The following THEMIS variants were observed in gnomAD, a reference collection of about 807,000 sequenced individuals.
THEMIS encodes thymocyte selection associated, also known as protein THEMIS.
THEMIS carries 37 observed loss-of-function variants against 52.6 expected under a neutral mutation model. The ratio of observed to expected loss-of-function variants is 0.70; its 90% CI spans 0.54 to 0.93. THEMIS has a LOEUF of 0.93. THEMIS is among the 40% of genes least tolerant of loss of function. The pLI is 0.00. For missense variants in THEMIS, 808 were observed against 763.1 expected (o/e 1.06, Z -0.69); for synonymous variants, 292 against 272.7 (o/e 1.07, Z -0.70).
chr6:127,864,895 T>C (rs1405569071), intron 1 of THEMIS, among the ~76,000 whole-genome samples: 1 of 152,138 alleles, frequency 6.6e-6, no homozygotes, highest in Non-Finnish European at 1.5e-5. Context: ...CAGATTAAAA[T>C]GAGCCAGTGA....
At chr6:127,848,698 T>A (rs888127085) in intron 2 of THEMIS, among the ~76,000 whole-genome samples, 2 of 152,214 alleles carry the variant, frequency 1.3e-5, no homozygotes, top group African/African-American at 4.8e-5. Context: ...TTTTTTCACA[T>A]GTCTGTTGAC....
chr6:127,797,711 G>A (rs893348672), intron 4 of THEMIS, among the ~76,000 whole-genome samples: 1 of 152,130 alleles, frequency 6.6e-6, no homozygotes, highest in African/African-American at 2.4e-5. Flanking sequence ...AAATTCACAG[G>A]ATATGGTTAA....
At chr6:127,888,203 T>C (rs1780701817) in intron 1 of THEMIS, among the ~76,000 whole-genome samples, 1 of 152,082 alleles carries the variant, frequency 6.6e-6, no homozygotes, top group African/African-American at 2.4e-5. Flanking sequence ...TAAACTCAGA[T>C]AAATAATGCA....
intron 2 of THEMIS, among the ~76,000 whole-genome samples, chr6:127,839,910 T>C (rs1474457276): frequency 1.3e-5 from 2 of 152,032 alleles, no homozygotes; most frequent in Admixed American, 6.6e-5. Flanking sequence ...ATGTTGAAGA[T>C]TTAAAATTTC....
At chr6:127,744,260 C>G in intron 4 of THEMIS, among the ~76,000 whole-genome samples, 1 of 152,014 alleles carries the variant, frequency 6.6e-6, no homozygotes, top group East Asian at 1.9e-4. Context: ...TTGTCTCTGT[C>G]AATTCCTCAG....
At chr6:127,781,856 T>G (rs1030587453) in intron 4 of THEMIS, among the ~76,000 whole-genome samples, 1 of 152,164 alleles carries the variant, frequency 6.6e-6, no homozygotes, top group Non-Finnish European at 1.5e-5. Context: ...TGTCTCCCAG[T>G]CAGGTGCCAC....
chr6:127,785,160 TC>T (rs2114498199), intron 4 of THEMIS, among the ~76,000 whole-genome samples: 1 of 152,048 alleles, frequency 6.6e-6, no homozygotes, highest in African/African-American at 2.4e-5. Context: ...TAATCTATTA[TC>T]TACCTACCTA....
chr6:127,899,289 C>A (rs1781063874), intron 1 of THEMIS, among the ~76,000 whole-genome samples: 1 of 151,368 alleles, frequency 6.6e-6, no homozygotes, highest in African/African-American at 2.4e-5. Context: ...AATATCTAAG[C>A]CAATTTAGGA....
chr6:127,891,046 C>G (rs1313445160), intron 1 of THEMIS, among the ~76,000 whole-genome samples: 1 of 152,030 alleles, frequency 6.6e-6, no homozygotes, highest in Non-Finnish European at 1.5e-5. Context: ...ATCCACTTGG[C>G]TGAGTAATAG....
At position 127,813,488 on chromosome 6, in the gene THEMIS, CAG is replaced by C; in HGVS notation, c.1151_1152del (p.Ser384CysfsTer14). 6.2e-7 allele frequency: 1 copy of C among 1,614,034 alleles called. No individual in the cohort carries two copies. Among genetic ancestry groups the C allele is most frequent in the Non-Finnish European group, 8.5e-7 (1 of 1,179,996 alleles). On this transcript the variant is annotated frameshift_variant, in exon 4 of 6. Coordinates refer to ENST00000368248, the MANE Select transcript of THEMIS (RefSeq NM_001010923.3). LOFTEE classifies it high-confidence loss of function. ...HSPHDKLSSV[S>X]VGDQFLVHQS... ...TGATGCACCAGAAACTGGTCCCCAA[CAG>C]ATACGGATGACAGCTTGTCATGAGG...
chr6:127,812,318 T>C (rs1196029677), intron 4 of THEMIS, among the ~76,000 whole-genome samples: 1 of 152,162 alleles, frequency 6.6e-6, no homozygotes, highest in Non-Finnish European at 1.5e-5. Flanking sequence ...TGTTTTTCAA[T>C]AGAGCTGTTA....
At chr6:127,819,050 G>A (rs1180710911) in intron 3 of THEMIS, among the ~76,000 whole-genome samples, 4 of 148,000 alleles carry the variant, frequency 2.7e-5, no homozygotes, top group Admixed American at 1.4e-4. Flanking sequence ...AACCCGGGAG[G>A]TGGAGGTTGC....
chr6:127,806,084 A>G (rs269998), intron 4 of THEMIS, among the ~76,000 whole-genome samples: 71,902 of 151,768 alleles, frequency 0.47, 17,989 homozygotes, highest in Non-Finnish European at 0.53. Flanking sequence ...ATTATAGGAA[A>G]TTGGCAATTC....
At chr6:127,755,016 T>G (rs1286229885) in intron 4 of THEMIS, among the ~76,000 whole-genome samples, 2 of 151,968 alleles carry the variant, frequency 1.3e-5, no homozygotes, top group Non-Finnish European at 2.9e-5. Context: ...TTCATTCTTT[T>G]TTTTTTAAAC....
rs1014089230 is a variant in THEMIS, at chr6:127,812,915, C to A, written c.1726G>T (p.Glu576Ter). ...TKLTLLTLAE[E>*]RTVDLPKSPK... ...GACTTGGGCAGGTCTACCGTCCTTT[C>A]TTCTGCTAAGGTTAGCAGGGTTAAC... Residue 576 changes from glutamate (E) to a stop codon, truncating the protein, a stop_gained, in exon 4 of 6, where the codon GAA becomes TAA. Coordinates refer to ENST00000368248, the MANE Select transcript of THEMIS (RefSeq NM_001010923.3). LOFTEE classifies it high-confidence loss of function. 6.2e-7 allele frequency: 1 copy of A among 1,611,696 alleles called. No individual in the cohort carries two copies. Among genetic ancestry groups the A allele is most frequent in the Non-Finnish European group, 8.5e-7 (1 of 1,178,774 alleles).
chr6:127,807,790 G>T (rs891555811), intron 4 of THEMIS, among the ~76,000 whole-genome samples: 1 of 152,072 alleles, frequency 6.6e-6, no homozygotes, highest in Non-Finnish European at 1.5e-5. Flanking sequence ...CAAACAAGTG[G>T]GTATAATACT....
chr6:127,777,936 T>C (rs891589625), intron 4 of THEMIS, among the ~76,000 whole-genome samples: 2 of 152,138 alleles, frequency 1.3e-5, no homozygotes, highest in African/African-American at 4.8e-5. Context: ...AAGAATCTAC[T>C]CTTTGCACAA....
chr6:127,849,792 G>A (rs7743701), intron 2 of THEMIS, among the ~76,000 whole-genome samples: 30,101 of 151,752 alleles, frequency 0.2, 3,291 homozygotes, highest in South Asian at 0.4. Context: ...ATAAAGTTTT[G>A]GAAGATAACA....
At chr6:127,905,597 T>C (rs1359074382), upstream of THEMIS, among the ~76,000 whole-genome samples, 2 of 151,966 alleles carry the variant, frequency 1.3e-5, no homozygotes, top group Non-Finnish European at 2.9e-5. Context: ...ATATATTGAG[T>C]TCCCAAAACA....
Sources: allele counts gnomAD v4.1 joint callset (sites outside exome capture counted in the v4.1 genomes callset), GRCh38; gene constraint gnomAD v4.1.1; transcripts MANE v1.5; gene names NCBI Gene and HGNC (gene_info 2026-07-23, HGNC 2026-07-21).